KCNIP1: variants seen among roughly 807,000 people sequenced by gnomAD.
KCNIP1 encodes A-type potassium channel modulatory protein KCNIP1.
In KCNIP1, 18 loss-of-function variants were observed where a neutral mutation model predicts 33.0. The observed-to-expected ratio is 0.55, with a 90% CI of 0.38 to 0.81. The LOEUF is 0.81. Among genes scored for constraint, KCNIP1 ranks in the 30% least tolerant of loss-of-function variants. The pLI, the probability that KCNIP1 is intolerant of heterozygous loss-of-function variation, is 0.00. For synonymous variants in KCNIP1, 93 were observed against 98.3 expected (o/e 0.95, Z 0.32); for missense variants, 238 against 271.6 (o/e 0.88, Z 0.87).
intron 1 of KCNIP1, chr5:170,379,104 AG>A (rs2113328401): frequency 1.8e-6 from 2 of 1,116,726 alleles, no homozygotes; most frequent in East Asian, 5.0e-5. Context: ...TTTGGTCTAA[AG>A]CTTGGCAGGC....
At chr5:170,522,786 C>G (rs1368262652) in intron 1 of KCNIP1, among the ~76,000 whole-genome samples, 1 of 152,216 alleles carries the variant, frequency 6.6e-6, no homozygotes, top group Non-Finnish European at 1.5e-5. Context: ...GGCAGATTCT[C>G]CCTGATCTCT....
At chr5:170,446,626 T>C (rs1756123018) in intron 1 of KCNIP1, among the ~76,000 whole-genome samples, 1 of 152,094 alleles carries the variant, frequency 6.6e-6, no homozygotes, top group South Asian at 2.1e-4. Context: ...TGCCCAGCTA[T>C]TTTTATTTAT....
chr5:170,356,952 C>T (rs1350865758), intron 1 of KCNIP1, among the ~76,000 whole-genome samples: 5 of 152,244 alleles, frequency 3.3e-5, no homozygotes, highest in South Asian at 2.1e-4. Flanking sequence ...CCTCCAGCCA[C>T]GTAAAACATT....
At chr5:170,672,001 A>G (rs528491243) in intron 1 of KCNIP1, among the ~76,000 whole-genome samples, 3 of 152,348 alleles carry the variant, frequency 2.0e-5, no homozygotes, top group Admixed American at 1.3e-4. Context: ...ATGGATGTGG[A>G]GAAGAAATCC....
intron 1 of KCNIP1, among the ~76,000 whole-genome samples, chr5:170,401,925 G>GTCT (rs1462855356): frequency 6.6e-6 from 1 of 152,156 alleles, no homozygotes; most frequent in African/African-American, 2.4e-5. Flanking sequence ...TTTCCTCACA[G>GTCT]CTCTGGAGGC....
chr5:170,492,013 C>T (rs560175911), intron 1 of KCNIP1, among the ~76,000 whole-genome samples: 33 of 152,264 alleles, frequency 2.2e-4, no homozygotes, highest in Admixed American at 7.8e-4. Flanking sequence ...TTGCTCACGC[C>T]GACTTTTCTC....
At chr5:170,721,313 C>T (rs1444796613) in intron 3 of KCNIP1, among the ~76,000 whole-genome samples, 2 of 152,164 alleles carry the variant, frequency 1.3e-5, no homozygotes, top group Non-Finnish European at 2.9e-5. Context: ...TGAGTTCTCA[C>T]TGTATGCCAG....
intron 1 of KCNIP1, among the ~76,000 whole-genome samples, chr5:170,687,558 A>G (rs1762581106): frequency 6.6e-6 from 1 of 152,176 alleles, no homozygotes; most frequent in South Asian, 2.1e-4. Context: ...GTTGCTTTTA[A>G]GTTTGCTTAC....
At chr5:170,702,528 T>C (rs13171706) in intron 1 of KCNIP1, among the ~76,000 whole-genome samples, 24,445 of 152,162 alleles carry the variant, frequency 0.16, 2,372 homozygotes, top group African/African-American at 0.27. Context: ...GGGAGGGTAC[T>C]CTTGAAACTG....
At chr5:170,540,530 T>G (rs1756160930) in intron 1 of KCNIP1, among the ~76,000 whole-genome samples, 1 of 152,056 alleles carries the variant, frequency 6.6e-6, no homozygotes, top group Non-Finnish European at 1.5e-5. Flanking sequence ...AGGTAACAGG[T>G]GGAAATTCAC....
chr5:170,549,268 C>A (rs1172785169), intron 1 of KCNIP1, among the ~76,000 whole-genome samples: 1 of 152,138 alleles, frequency 6.6e-6, no homozygotes, highest in Non-Finnish European at 1.5e-5. Context: ...TAGTTCCAGT[C>A]CTAGGCCATG....
At chr5:170,635,477 A>T (rs748223005) in intron 1 of KCNIP1, among the ~76,000 whole-genome samples, 5 of 152,182 alleles carry the variant, frequency 3.3e-5, no homozygotes, top group Non-Finnish European at 5.9e-5. Flanking sequence ...TCACAGAACC[A>T]TCACAACCTG....
chr5:170,504,057 G>A lies in KCNIP1; in HGVS notation c.-516G>A. The A allele has an allele frequency of 1.0e-6, 1 of 985,540 alleles. No homozygotes were observed. Among genetic ancestry groups the A allele is most frequent in the Non-Finnish European group, 1.2e-6 (1 of 829,978 alleles). 61.0% of individuals were successfully genotyped at this position (985,540 alleles called of 1,614,324 possible). A position where few individuals can be genotyped will look rare whatever the true frequency, so the allele number is the denominator to read the frequency against. On this transcript the variant is annotated 5_prime_UTR_variant, in exon 1 of 8. Coordinates refer to ENST00000328939, the MANE Select transcript of KCNIP1 (RefSeq NM_014592.4). The surrounding 1 kb of genome is among the most constrained non-coding windows in gnomAD (Gnocchi z 6.0). ...GAGCGCTGGCAGCAGGCAGCAGGCA[G>A]CAGGCGGGCGCGCTGTGGCTCCGCG... is the stretch of plus-strand genomic sequence containing the variant.
intron 1 of KCNIP1, among the ~76,000 whole-genome samples, chr5:170,370,952 G>A (rs1467764432): frequency 6.6e-6 from 1 of 152,220 alleles, no homozygotes; most frequent in East Asian, 1.9e-4. Context: ...TAGTAAAAGA[G>A]GACTCTGAGG....
At chr5:170,360,181 A>G (rs1763465300) in intron 1 of KCNIP1, among the ~76,000 whole-genome samples, 2 of 152,110 alleles carry the variant, frequency 1.3e-5, no homozygotes, top group South Asian at 4.2e-4. Context: ...AGGGTTACAG[A>G]ATCTCCCCTG....
At chr5:170,381,034 A>T (rs1764217967) in intron 1 of KCNIP1, among the ~76,000 whole-genome samples, 1 of 152,222 alleles carries the variant, frequency 6.6e-6, no homozygotes, top group African/African-American at 2.4e-5. Context: ...AAATTGCAAC[A>T]ACAGCTCCTT....
intron 2 of KCNIP1, 106 bp from the exon 3 acceptor site, chr5:170,720,215 C>T (rs1763770800): frequency 2.6e-6 from 2 of 774,728 alleles, no homozygotes; most frequent in Non-Finnish European, 4.5e-6. Flanking sequence ...TGCACAGGTC[C>T]CTGTCCCTGG....
At chr5:170,692,710 C>T (rs1762760553) in intron 1 of KCNIP1, among the ~76,000 whole-genome samples, 1 of 152,168 alleles carries the variant, frequency 6.6e-6, no homozygotes, top group South Asian at 2.1e-4. Context: ...TATGTCTTTA[C>T]ATAGTAGGTA....
chr5:170,517,242 G>C (rs751319965), intron 1 of KCNIP1, among the ~76,000 whole-genome samples: 1 of 152,108 alleles, frequency 6.6e-6, no homozygotes, highest in African/African-American at 2.4e-5. Flanking sequence ...GCAAAGGGGG[G>C]TGTGCTACAT....
Sources: allele counts gnomAD v4.1 joint callset (sites outside exome capture counted in the v4.1 genomes callset), GRCh38; gene constraint gnomAD v4.1.1; non-coding constraint Gnocchi (gnomAD v3.1); transcripts MANE v1.5; gene names NCBI Gene and HGNC (gene_info 2026-07-23, HGNC 2026-07-21).